Variants in IL1RAPL1 observed in about 807,000 individuals in gnomAD.
The protein encoded by IL1RAPL1 is interleukin 1 receptor accessory protein like 1, also known as interleukin-1 receptor accessory protein-like 1.
Under a neutral mutation model 48.4 loss-of-function variants are expected in IL1RAPL1, and 3 were observed. The observed-to-expected ratio is 0.06, with a 90% CI of 0.03 to 0.16. The LOEUF is 0.16. IL1RAPL1 is among the 10% of genes least tolerant of loss of function. IL1RAPL1 has a pLI of 1.00. For missense variants in IL1RAPL1, 349 were observed against 530.6 expected (o/e 0.66, Z 3.36); for synonymous variants, 185 against 187.7 (o/e 0.99, Z 0.12).
intron 2 of IL1RAPL1, among the ~76,000 whole-genome samples, chrX:29,184,753 G>C (rs193282232): frequency 2.7e-5 from 3 of 111,308 alleles, no homozygotes; most frequent in Non-Finnish European, 5.6e-5. Flanking sequence ...TGCCTGCCTC[G>C]GCTTCCCAAA....
chrX:29,910,525 G>A (rs1460045965), intron 6 of IL1RAPL1, among the ~76,000 whole-genome samples: 1 of 111,070 alleles, frequency 9.0e-6, no homozygotes, highest in African/African-American at 3.3e-5. Context: ...TCTTAATAAA[G>A]CAAGCCTACA....
chrX:29,014,605 G>C lies in IL1RAPL1; in HGVS notation c.82+225180G>C, dbSNP rs773133058. ...CAGGAAGACAATTCATTTGAAGAGAGGCATATGCACACAGTTATTTCAAGA... is the reference window on the plus strand; with the variant it reads ...CAGGAAGACAATTCATTTGAAGAGACGCATATGCACACAGTTATTTCAAGA... On this transcript the variant is annotated intron_variant, in intron 2 of 10. Transcript: ENST00000378993. 5.4e-5 allele frequency among the ~76,000 whole-genome samples: 6 copies of C among 111,395 alleles called. No homozygotes were observed. In the South Asian group the frequency reaches 2.2e-3, roughly 41 times the overall value.
intron 6 of IL1RAPL1, among the ~76,000 whole-genome samples, chrX:29,841,652 T>C (rs1421056967): frequency 9.0e-6 from 1 of 111,521 alleles, no homozygotes; most frequent in African/African-American, 3.3e-5. Context: ...GACGTATACA[T>C]AGCAACTGTA....
intron 9 of IL1RAPL1, among the ~76,000 whole-genome samples, chrX:29,950,759 C>T (rs1407957358): frequency 9.3e-6 from 1 of 107,569 alleles, no homozygotes; most frequent in African/African-American, 3.4e-5. Context: ...TCACTGCAAG[C>T]TCCGCCTCCC....
At chrX:29,679,206 C>T (rs1156386678) in intron 6 of IL1RAPL1, among the ~76,000 whole-genome samples, 1 of 111,393 alleles carries the variant, frequency 9.0e-6, no homozygotes, top group Admixed American at 9.6e-5. Flanking sequence ...ATTATTACCA[C>T]GAATATTCAG....
rs751729620 is a variant in IL1RAPL1, at chrX:29,299,434, T to C, written c.362+16217T>C. On this transcript the variant is annotated intron_variant, in intron 3 of 10. Transcript: ENST00000378993. ...CTCATCATATTCCATTTATACAATA[T>C]ATAGTATTTTCTCTCTCCTATTAAC... Among the ~76,000 whole-genome samples, 65 of 111,815 alleles carry C rather than the reference T, an allele frequency of 5.8e-4. 1 individual carries two copies. The highest frequency in any genetic ancestry group is 1.0e-3 in the Non-Finnish European group (55 of 53,197).
intron 2 of IL1RAPL1, among the ~76,000 whole-genome samples, chrX:29,115,854 G>A (rs1459965197): frequency 4.6e-5 from 5 of 109,804 alleles, no homozygotes; most frequent in Admixed American, 9.7e-5. Flanking sequence ...CTTTTTGAGT[G>A]GTTGAGTTTT....
At chrX:28,945,693 G>C (rs370555052) in intron 2 of IL1RAPL1, among the ~76,000 whole-genome samples, 7 of 109,993 alleles carry the variant, frequency 6.4e-5, no homozygotes, top group South Asian at 3.9e-4. Context: ...GTGCAGCAAA[G>C]CACCATGGCA....
intron 6 of IL1RAPL1, among the ~76,000 whole-genome samples, chrX:29,719,180 G>T (rs1220095347): frequency 9.0e-6 from 1 of 111,482 alleles, no homozygotes. Context: ...AGTTCCTTAT[G>T]AATTTAAATG....
rs753310570 is a variant in IL1RAPL1 at position 28,832,382 on chromosome X, T to C, written c.82+42957T>C. ...GTATTTGAAGAAATTCACTTGCTTT[T>C]TGTTTTTATTCTACTCAATACTTTT... is the stretch of plus-strand genomic sequence containing the variant. On this transcript the variant is annotated intron_variant, in intron 2 of 10. Transcript: ENST00000378993. 1.8e-3 allele frequency among the ~76,000 whole-genome samples: 206 copies of C among 111,843 alleles called. 1 individual carries two copies. Among genetic ancestry groups the C allele is most frequent in the Admixed American group, 3.3e-3 (35 of 10,496 alleles).
At chrX:29,850,466 C>T (rs1177880247) in intron 6 of IL1RAPL1, among the ~76,000 whole-genome samples, 1 of 112,241 alleles carries the variant, frequency 8.9e-6, no homozygotes, top group Non-Finnish European at 1.9e-5. Flanking sequence ...CTTAAGGACC[C>T]TTCAGGACCT....
chrX:28,726,459 CTTCA>C (rs1171787621), intron 1 of IL1RAPL1, among the ~76,000 whole-genome samples: 1 of 112,321 alleles, frequency 8.9e-6, no homozygotes, highest in African/African-American at 3.2e-5. Context: ...TGGTGATGGC[CTTCA>C]TTCATTCAAC....
intron 1 of IL1RAPL1, among the ~76,000 whole-genome samples, chrX:28,605,833 G>A (rs1036093584): frequency 1.8e-5 from 2 of 111,271 alleles, no homozygotes; most frequent in Admixed American, 9.6e-5. Context: ...GTTCTTTGAA[G>A]GTGACAGGTA....
intron 2 of IL1RAPL1, among the ~76,000 whole-genome samples, chrX:29,128,563 A>T (rs1217960274): frequency 9.0e-6 from 1 of 111,371 alleles, no homozygotes; most frequent in African/African-American, 3.3e-5. Flanking sequence ...TTCCATGCTG[A>T]TTCCCCTTTC....
chrX:29,738,450 CTTT>C (rs59952038), intron 6 of IL1RAPL1, among the ~76,000 whole-genome samples: 13 of 86,118 alleles, frequency 1.5e-4, no homozygotes, highest in Non-Finnish European at 1.6e-4. Context: ...CTTTTCTTTT[CTTT>C]TTTTTTTTTT....
chrX:28,863,784 G>T (rs969295534), intron 2 of IL1RAPL1, among the ~76,000 whole-genome samples: 1 of 111,132 alleles, frequency 9.0e-6, no homozygotes, highest in African/African-American at 3.3e-5. Context: ...ATATATAAGG[G>T]TTTTCTCTAA....
At chrX:29,142,780 AACCTCC>A (rs1370132806) in intron 2 of IL1RAPL1, among the ~76,000 whole-genome samples, 1 of 109,483 alleles carries the variant, frequency 9.1e-6, no homozygotes, top group African/African-American at 3.3e-5. Flanking sequence ...GGCTCACTGC[AACCTCC>A]ACCTCCCGGG....
rs946460843 is a variant in IL1RAPL1, at chrX:29,640,021, A to C, written c.704-28409A>C. Reference sequence around the variant, plus strand: ...CCAGCTGTTGAATGAAAAGAAATGAAGCTGAAGAGACATCACTGTGGCTAC... The same window carrying C: ...CCAGCTGTTGAATGAAAAGAAATGACGCTGAAGAGACATCACTGTGGCTAC... On this transcript the variant is annotated intron_variant, in intron 5 of 10. Transcript: ENST00000378993. Among the ~76,000 whole-genome samples the C allele has an allele frequency of 4.5e-5, 5 of 111,650 alleles. No homozygotes were observed. The Admixed American group carries it at 4.8e-4, about 11-fold the overall frequency.
At chrX:29,260,786 C>CT (rs1931842229) in intron 2 of IL1RAPL1, among the ~76,000 whole-genome samples, 1 of 110,343 alleles carries the variant, frequency 9.1e-6, no homozygotes, top group South Asian at 3.8e-4. Context: ...CCAGAATACT[C>CT]TATCACCCCA....
Sources: gnomAD v4.1 joint callset for allele counts (sites outside exome capture counted in the v4.1 genomes callset) on GRCh38, gnomAD v4.1.1 for gene constraint, MANE v1.5 for transcripts, NCBI Gene and HGNC (gene_info 2026-07-23, HGNC 2026-07-21) for gene names.